The following CMIP variants were observed in gnomAD, a reference collection of about 807,000 sequenced individuals.
The protein encoded by CMIP is c-Maf inducing protein, also known as C-Maf-inducing protein.
Under a neutral mutation model 97.3 loss-of-function variants are expected in CMIP, and 13 were observed. That is an observed-to-expected ratio of 0.13 (90% CI 0.09 to 0.21). The LOEUF (loss-of-function observed/expected upper bound fraction) is 0.21, where lower values mean the gene tolerates loss of function less well. Ranked by LOEUF, CMIP falls within the 10% of genes least tolerant of loss-of-function variation. The probability of loss-of-function intolerance (pLI) is 1.00; values close to 1 mark genes in which losing one functional copy is unlikely to be tolerated. For missense variants in CMIP, 847 were observed against 1,024.9 expected (o/e 0.83, Z 2.37); for synonymous variants, 538 against 436.3 (o/e 1.23, Z -2.91).
intron 1 of CMIP, among the ~76,000 whole-genome samples, chr16:81,461,154 G>C (rs140016598): frequency 4.1e-4 from 62 of 152,276 alleles, no homozygotes; most frequent in African/African-American, 1.4e-3. Context: ...TTGAGTATGT[G>C]GGCAGTGGAT....
chr16:81,455,945 G>A (rs1194086613), intron 1 of CMIP, among the ~76,000 whole-genome samples: 3 of 152,244 alleles, frequency 2.0e-5, no homozygotes, highest in East Asian at 3.8e-4. Flanking sequence ...AGGCGACGCA[G>A]GAGTGGCACT....
At chr16:81,620,975 G>C (rs755753470) in intron 3 of CMIP, 49 bp downstream of exon 3, 5 of 1,608,464 alleles carry the variant, frequency 3.1e-6, no homozygotes, top group Non-Finnish European at 4.3e-6. Context: ...GCAGTGGTGC[G>C]ATGGCTTAAA....
At chr16:81,461,923 A>G (rs1056149031) in intron 1 of CMIP, among the ~76,000 whole-genome samples, 5 of 152,190 alleles carry the variant, frequency 3.3e-5, no homozygotes, top group Non-Finnish European at 7.3e-5. Context: ...CGTTCTAGGC[A>G]TTGCGTGTTG....
At chr16:81,603,265 T>G (rs2091687667) in intron 1 of CMIP, 1 of 382,228 alleles carries the variant, frequency 2.6e-6, no homozygotes, top group African/African-American at 2.1e-5. Context: ...GTATTTTTAG[T>G]AGAGACGGGG....
intron 1 of CMIP, among the ~76,000 whole-genome samples, chr16:81,521,271 A>C (rs1319924316): frequency 6.6e-6 from 1 of 152,120 alleles, no homozygotes; most frequent in Admixed American, 6.5e-5. Flanking sequence ...AGCGGATGGT[A>C]CTGCACGGTT....
intron 1 of CMIP, among the ~76,000 whole-genome samples, chr16:81,521,003 G>C (rs1001471043): frequency 2.9e-4 from 44 of 152,156 alleles, no homozygotes; most frequent in Admixed American, 3.3e-4. Context: ...AGGACCCCCC[G>C]CCCCCTGGGC....
intron 1 of CMIP, among the ~76,000 whole-genome samples, chr16:81,556,591 A>G (rs1255178250): frequency 1.3e-5 from 2 of 152,202 alleles, no homozygotes; most frequent in South Asian, 2.1e-4. Context: ...AACCACAGGT[A>G]GAAGGAAGGG....
chr16:81,569,808 C>T (rs67259851), intron 1 of CMIP, among the ~76,000 whole-genome samples: 15,049 of 152,180 alleles, frequency 0.099, 974 homozygotes, highest in East Asian at 0.3. Flanking sequence ...CTCTGAGACT[C>T]GGTTTTCTCA....
chr16:81,476,561 A>G, intron 1 of CMIP: 1 of 568,198 alleles, frequency 1.8e-6, no homozygotes, highest in Non-Finnish European at 3.3e-6. Context: ...GTGTCTGCAG[A>G]GTGGCCATGT....
intron 1 of CMIP, among the ~76,000 whole-genome samples, chr16:81,489,967 G>A (rs1242552083): frequency 6.6e-6 from 1 of 152,230 alleles, no homozygotes; most frequent in Non-Finnish European, 1.5e-5. Flanking sequence ...CGGCCACCGG[G>A]ATTCTTGATA....
At chr16:81,624,488 C>CAAA (rs371369093) in intron 3 of CMIP, among the ~76,000 whole-genome samples, 2 of 92,680 alleles carry the variant, frequency 2.2e-5, no homozygotes, top group Non-Finnish European at 2.6e-5. Context: ...GACTCCGTCT[C>CAAA]AAAAAAAAAA....
At chr16:81,706,963 C>T (rs781268325) in intron 19 of CMIP, 51 bp from the exon 20 acceptor site, 95 of 1,544,610 alleles carry the variant, frequency 6.2e-5, no homozygotes, top group Non-Finnish European at 8.3e-5. Flanking sequence ...CCCATACCTT[C>T]ATACCTTTGG....
intron 1 of CMIP, among the ~76,000 whole-genome samples, chr16:81,549,282 T>A (rs577243843): frequency 6.6e-6 from 1 of 152,316 alleles, no homozygotes; most frequent in South Asian, 2.1e-4. Flanking sequence ...ATGATTAACC[T>A]GGTTGAGCTG....
At chr16:81,702,814 T>C (rs1597273689) in intron 17 of CMIP, 145 bp downstream of exon 17, 1 of 702,428 alleles carries the variant, frequency 1.4e-6, no homozygotes. Context: ...ACACGCCAGC[T>C]CTTCCAGGAG....
At chr16:81,659,127 C>G (rs1274939251) in intron 5 of CMIP, among the ~76,000 whole-genome samples, 4 of 152,240 alleles carry the variant, frequency 2.6e-5, no homozygotes, top group African/African-American at 4.8e-5. Context: ...GAGGACAAGT[C>G]AACCTGGGCA....
At chr16:81,498,779 C>T (rs1416906074) in intron 1 of CMIP, among the ~76,000 whole-genome samples, 1 of 152,202 alleles carries the variant, frequency 6.6e-6, no homozygotes, top group Admixed American at 6.5e-5. Context: ...AGACACACCT[C>T]CCTCTTGCAC....
chr16:81,610,162 G>T (rs1035430860), intron 2 of CMIP: 1 of 249,484 alleles, frequency 4.0e-6, no homozygotes, highest in Non-Finnish European at 6.4e-6. Context: ...AGCATCACTC[G>T]CCACAGGGAT....
chr16:81,484,149 C>T (rs1345174323), intron 1 of CMIP, among the ~76,000 whole-genome samples: 3 of 152,216 alleles, frequency 2.0e-5, no homozygotes, highest in Non-Finnish European at 4.4e-5. Context: ...CATCTTTTTC[C>T]ACCAACTCCA....
intron 1 of CMIP, among the ~76,000 whole-genome samples, chr16:81,522,696 G>A (rs931836923): frequency 1.3e-5 from 2 of 152,024 alleles, no homozygotes; most frequent in Non-Finnish European, 2.9e-5. Flanking sequence ...CATTTCTACC[G>A]CCCCGACTAG....
Sources: allele counts gnomAD v4.1 joint callset (sites outside exome capture counted in the v4.1 genomes callset), GRCh38; gene constraint gnomAD v4.1.1; transcripts MANE v1.5; gene names NCBI Gene and HGNC (gene_info 2026-07-23, HGNC 2026-07-21).